RALYL: variants seen among roughly 807,000 people sequenced by gnomAD.
RALYL encodes the protein RNA-binding Raly-like protein.
Under a neutral mutation model 35.1 loss-of-function variants are expected in RALYL, and 29 were observed. That is an observed-to-expected ratio of 0.83 (90% CI 0.61 to 1.13). RALYL has a LOEUF of 1.13. Among genes scored for constraint, RALYL ranks in the 50% most tolerant of loss-of-function variants. The probability of loss-of-function intolerance (pLI) is 0.00; values close to 1 mark genes in which losing one functional copy is unlikely to be tolerated. For synonymous variants in RALYL, 120 were observed against 127.6 expected (o/e 0.94, Z 0.40); for missense variants, 359 against 360.4 (o/e 1.00, Z 0.03).
At chr8:84,843,805 A>G (rs184282058) in intron 4 of RALYL, among the ~76,000 whole-genome samples, 2 of 152,340 alleles carry the variant, frequency 1.3e-5, no homozygotes, top group African/African-American at 4.8e-5. Context: ...GCCCTCAGAA[A>G]TAATGCCGCA....
At chr8:84,372,857 C>A (rs921951161) in intron 1 of RALYL, among the ~76,000 whole-genome samples, 23 of 129,034 alleles carry the variant, frequency 1.8e-4, no homozygotes, top group Non-Finnish European at 3.1e-5. Context: ...GTAAGTGTTC[C>A]CTTTTTCTCC....
intron 1 of RALYL, chr8:84,346,029 T>A (rs116959964): frequency 0.011 from 10,462 of 940,502 alleles, 61 homozygotes; most frequent in Non-Finnish European, 0.013. Context: ...TATGCATTTC[T>A]CTTATTCAAA....
intron 4 of RALYL, among the ~76,000 whole-genome samples, chr8:84,805,634 A>G (rs1434720439): frequency 6.6e-6 from 1 of 152,186 alleles, no homozygotes; most frequent in Non-Finnish European, 1.5e-5. Flanking sequence ...CAGTGAGCCA[A>G]GATCACACCA....
intron 1 of RALYL, among the ~76,000 whole-genome samples, chr8:84,487,447 C>A (rs1387700095): frequency 6.6e-6 from 1 of 151,984 alleles, no homozygotes; most frequent in Non-Finnish European, 1.5e-5. Context: ...TTTAGCTGAA[C>A]CTTTGGCCTA....
At chr8:84,312,186 C>T (rs917054573) in intron 1 of RALYL, among the ~76,000 whole-genome samples, 6 of 152,156 alleles carry the variant, frequency 3.9e-5, no homozygotes, top group Non-Finnish European at 7.4e-5. Flanking sequence ...TGCAAGAATT[C>T]CCTCACTATC....
chr8:84,256,589 C>A (rs1179900219), intron 1 of RALYL, among the ~76,000 whole-genome samples: 2 of 152,026 alleles, frequency 1.3e-5, no homozygotes, highest in Non-Finnish European at 1.5e-5. Flanking sequence ...TGTGGTAGAG[C>A]AAGTGAACTG....
intron 2 of RALYL, among the ~76,000 whole-genome samples, chr8:84,678,614 AAGG>A (rs1176199757): frequency 6.6e-6 from 1 of 152,176 alleles, no homozygotes; most frequent in African/African-American, 2.4e-5. Flanking sequence ...AGGAATTTAA[AAGG>A]AGGCTGCAAA....
At chr8:84,808,843 G>A (rs1240967278) in intron 4 of RALYL, among the ~76,000 whole-genome samples, 1 of 152,122 alleles carries the variant, frequency 6.6e-6, no homozygotes, top group Admixed American at 6.6e-5. Flanking sequence ...ACTGATTTGT[G>A]TACATTAATC....
chr8:84,894,372 A>T (rs920836313), intron 8 of RALYL, among the ~76,000 whole-genome samples: 1 of 152,236 alleles, frequency 6.6e-6, no homozygotes, highest in Non-Finnish European at 1.5e-5. Context: ...AATTACAAGG[A>T]AGAAAGTAGT....
At chr8:84,591,746 CCTGGTGTAGGA>C (rs1392102862) in intron 2 of RALYL, among the ~76,000 whole-genome samples, 1 of 152,036 alleles carries the variant, frequency 6.6e-6, no homozygotes, top group African/African-American at 2.4e-5. Flanking sequence ...TTGAGCCAGA[CCTGGTGTAGGA>C]CTGTGTGATG....
intron 2 of RALYL, among the ~76,000 whole-genome samples, chr8:84,738,249 A>G (rs956857232): frequency 6.6e-6 from 1 of 152,010 alleles, no homozygotes; most frequent in Non-Finnish European, 1.5e-5. Flanking sequence ...TTGGAAGGAA[A>G]GAAAGATGAA....
chr8:84,794,725 C>G (rs1201037622), intron 3 of RALYL, among the ~76,000 whole-genome samples: 1 of 152,154 alleles, frequency 6.6e-6, no homozygotes, highest in Non-Finnish European at 1.5e-5. Flanking sequence ...ACTGCTGCCC[C>G]CAAAGCTGTT....
At chr8:84,409,556 C>T (rs141791211) in intron 1 of RALYL, among the ~76,000 whole-genome samples, 34 of 151,992 alleles carry the variant, frequency 2.2e-4, no homozygotes, top group Non-Finnish European at 2.9e-4. Context: ...ACTTTATAGA[C>T]GAAGAAATCT....
chr8:84,298,586 GT>G (rs1198958400), intron 1 of RALYL, among the ~76,000 whole-genome samples: 14 of 152,052 alleles, frequency 9.2e-5, no homozygotes, highest in Admixed American at 7.2e-4. Context: ...TTCTAATTCA[GT>G]GAAAAATGTC....
chr8:84,701,956 A>G (rs1840278744), intron 2 of RALYL, among the ~76,000 whole-genome samples: 1 of 143,596 alleles, frequency 7.0e-6, no homozygotes, highest in African/African-American at 2.6e-5. Context: ...GCCAGATTTT[A>G]ATCAGGACAC....
At chr8:84,331,336 T>C (rs1368035606) in intron 1 of RALYL, among the ~76,000 whole-genome samples, 1 of 152,124 alleles carries the variant, frequency 6.6e-6, no homozygotes, top group Non-Finnish European at 1.5e-5. Context: ...CACAGAGAAG[T>C]ATAAGGCTCA....
intron 2 of RALYL, among the ~76,000 whole-genome samples, chr8:84,742,236 T>A (rs1288121294): frequency 6.6e-6 from 1 of 151,988 alleles, no homozygotes; most frequent in African/African-American, 2.4e-5. Flanking sequence ...GTTACCATTT[T>A]TATATGTAAT....
At chr8:84,756,992 C>T (rs1811584135) in intron 2 of RALYL, among the ~76,000 whole-genome samples, 1 of 152,030 alleles carries the variant, frequency 6.6e-6, no homozygotes, top group Non-Finnish European at 1.5e-5. Flanking sequence ...CCCTGTCATG[C>T]TATAGCTTGC....
At chr8:84,754,045 T>G (rs980876206) in intron 2 of RALYL, among the ~76,000 whole-genome samples, 1 of 152,136 alleles carries the variant, frequency 6.6e-6, no homozygotes, top group Admixed American at 6.5e-5. Context: ...ATTAGCCCTT[T>G]GTCAGATGAG....
Sources: gnomAD v4.1 joint callset for allele counts (sites outside exome capture counted in the v4.1 genomes callset) on GRCh38, gnomAD v4.1.1 for gene constraint, MANE v1.5 for transcripts, NCBI Gene and HGNC (gene_info 2026-07-23, HGNC 2026-07-21) for gene names.